Variants in FLRT2 observed in about 807,000 individuals in gnomAD.
FLRT2 encodes fibronectin leucine rich transmembrane protein 2.
A neutral mutation model predicts 40.0 loss-of-function variants in FLRT2; 15 were observed. The observed-to-expected ratio is 0.38, with a 90% CI of 0.25 to 0.58. FLRT2 has a LOEUF of 0.58. Among genes scored for constraint, FLRT2 ranks in the 20% least tolerant of loss-of-function variants. The pLI is 0.71. For missense variants in FLRT2, 726 were observed against 840.0 expected (o/e 0.86, Z 1.68); for synonymous variants, 380 against 336.8 (o/e 1.13, Z -1.41).
intron 1 of FLRT2, among the ~76,000 whole-genome samples, chr14:85,550,555 A>C (rs1889561290): frequency 6.6e-6 from 1 of 152,180 alleles, no homozygotes; most frequent in Non-Finnish European, 1.5e-5. Flanking sequence ...ACATCATCCA[A>C]AGTTAAGAAG....
At chr14:85,609,660 C>A (rs1303792418) in intron 1 of FLRT2, among the ~76,000 whole-genome samples, 1 of 152,162 alleles carries the variant, frequency 6.6e-6, no homozygotes, top group Non-Finnish European at 1.5e-5. Flanking sequence ...TCAGGAAGAA[C>A]CAGAGCATGA....
At chr14:85,579,807 G>T (rs1292116846) in intron 1 of FLRT2, among the ~76,000 whole-genome samples, 1 of 152,018 alleles carries the variant, frequency 6.6e-6, no homozygotes, top group Non-Finnish European at 1.5e-5. Context: ...GGGCAAAAAT[G>T]ACAGGGCTGT....
chr14:85,560,093 C>G (rs969997285), intron 1 of FLRT2, among the ~76,000 whole-genome samples: 1 of 152,302 alleles, frequency 6.6e-6, no homozygotes, highest in Non-Finnish European at 1.5e-5. Flanking sequence ...CCAGCTCTGA[C>G]TCTTTGGGGC....
chr14:85,615,167 T>G (rs555975971), intron 1 of FLRT2, among the ~76,000 whole-genome samples: 1 of 152,090 alleles, frequency 6.6e-6, no homozygotes, highest in Admixed American at 6.6e-5. Context: ...AGTTCCAGAT[T>G]TTAAAGGGAG....
intron 1 of FLRT2, among the ~76,000 whole-genome samples, chr14:85,612,910 C>A (rs1566756343): frequency 6.6e-6 from 1 of 152,126 alleles, no homozygotes; most frequent in Non-Finnish European, 1.5e-5. Context: ...ATGTGTATTC[C>A]TCTTGTGAAG....
rs1359287466 is a variant in FLRT2, at chr14:85,650,858, T to A, written c.*27361T>A. On this transcript the variant is annotated 3_prime_UTR_variant, in exon 2 of 2. Coordinates refer to ENST00000330753, the MANE Select transcript of FLRT2 (RefSeq NM_013231.6). The stretch of plus-strand genomic sequence containing the variant: ...ATTAAAATTTTCTTTTTCTTTTCTT[T>A]TTTTAAGAGACAAGGTCTTACCCTG... 1 of 152,038 alleles carries A rather than the reference T, an allele frequency of 6.6e-6. No homozygotes were observed. The highest frequency in any genetic ancestry group is 1.5e-5 in the Non-Finnish European group (1 of 68,016). The allele number at this position is 152,038 out of a possible 1,614,324, so 9.4% of individuals were successfully genotyped here.
intron 1 of FLRT2, among the ~76,000 whole-genome samples, chr14:85,570,515 T>A (rs184775070): frequency 1.1e-3 from 165 of 151,886 alleles, no homozygotes; most frequent in Middle Eastern, 6.8e-3. Flanking sequence ...TTTTACAGAC[T>A]TTTTTAGGTT....
At chr14:85,567,634 C>T (rs1347421953) in intron 1 of FLRT2, among the ~76,000 whole-genome samples, 2 of 126,108 alleles carry the variant, frequency 1.6e-5, no homozygotes, top group Non-Finnish European at 3.2e-5. Context: ...AAGTGACTTA[C>T]ATTTTTTTTT....
At chr14:85,563,713 T>C (rs778041229) in intron 1 of FLRT2, among the ~76,000 whole-genome samples, 9 of 152,176 alleles carry the variant, frequency 5.9e-5, no homozygotes, top group Non-Finnish European at 8.8e-5. Context: ...ACATGAGATT[T>C]GGGTGCGGAC....
intron 1 of FLRT2, among the ~76,000 whole-genome samples, chr14:85,558,086 G>A (rs1890086692): frequency 6.6e-6 from 1 of 152,158 alleles, no homozygotes; most frequent in Non-Finnish European, 1.5e-5. Context: ...TCCGTAGAAA[G>A]CACTGATGAT....
chr14:85,596,918 T>G (rs1271959103), intron 1 of FLRT2, among the ~76,000 whole-genome samples: 1 of 152,224 alleles, frequency 6.6e-6, no homozygotes, highest in Non-Finnish European at 1.5e-5. Flanking sequence ...TAGAGTTTTC[T>G]GAGCGTCAAA....
chr14:85,533,868 C>T (rs1428066934), intron 1 of FLRT2, among the ~76,000 whole-genome samples: 1 of 151,810 alleles, frequency 6.6e-6, no homozygotes, highest in Non-Finnish European at 1.5e-5. Context: ...GGCTTGGCTC[C>T]AGCAGCCGCC....
At chr14:85,549,683 C>T (rs908761020) in intron 1 of FLRT2, among the ~76,000 whole-genome samples, 6 of 152,046 alleles carry the variant, frequency 3.9e-5, no homozygotes, top group African/African-American at 1.4e-4. Context: ...CTCATAGGAC[C>T]ACTCTGGTGA....
chr14:85,553,078 A>G (rs1161828209), intron 1 of FLRT2, among the ~76,000 whole-genome samples: 8 of 152,224 alleles, frequency 5.3e-5, no homozygotes, highest in Non-Finnish European at 8.8e-5. Flanking sequence ...AATACCTAAG[A>G]GAGCAGCCCC....
At chr14:85,533,799 G>A (rs1888459042) in intron 1 of FLRT2, among the ~76,000 whole-genome samples, 1 of 151,574 alleles carries the variant, frequency 6.6e-6, no homozygotes, top group South Asian at 2.1e-4. Context: ...GCGGGGAGGC[G>A]CGCGCCGCTC....
chr14:85,611,434 T>C (rs1892853687), intron 1 of FLRT2, among the ~76,000 whole-genome samples: 1 of 152,194 alleles, frequency 6.6e-6, no homozygotes, highest in Admixed American at 6.5e-5. Flanking sequence ...AATTATGAAA[T>C]TTTAAAAAGC....
intron 1 of FLRT2, among the ~76,000 whole-genome samples, chr14:85,553,039 G>A (rs1889736123): frequency 6.6e-6 from 1 of 152,136 alleles, no homozygotes; most frequent in South Asian, 2.1e-4. Context: ...AGACTTTCAG[G>A]TAAAATAGAT....
At position 85,637,685 on chromosome 14, in the gene FLRT2, G is replaced by A. The variant is rs998549109; in HGVS notation, c.*14188G>A. 2.0e-5 allele frequency: 3 copies of A among 152,150 alleles called. No individual in the cohort carries two copies. The highest frequency in any genetic ancestry group is 7.2e-5 in the African/African-American group (3 of 41,422). The allele number at this position is 152,150 out of a possible 1,614,324, so 9.4% of individuals were successfully genotyped here. On this transcript the variant is annotated 3_prime_UTR_variant, in exon 2 of 2. Coordinates refer to ENST00000330753, the MANE Select transcript of FLRT2 (RefSeq NM_013231.6). ...GATCAGGAGTGATGTAGCTTTGAGGGTGGACCCACCATTCCTGCCATATTC... is the reference window on the plus strand; with the variant it reads ...GATCAGGAGTGATGTAGCTTTGAGGATGGACCCACCATTCCTGCCATATTC...
chr14:85,582,524 C>G (rs1891435059), intron 1 of FLRT2, among the ~76,000 whole-genome samples: 1 of 151,926 alleles, frequency 6.6e-6, no homozygotes, highest in Non-Finnish European at 1.5e-5. Flanking sequence ...ATTTTGGGTG[C>G]ATTATTTATC....
Sources: allele counts gnomAD v4.1 joint callset (sites outside exome capture counted in the v4.1 genomes callset), GRCh38; gene constraint gnomAD v4.1.1; transcripts MANE v1.5; gene names NCBI Gene and HGNC (gene_info 2026-07-23, HGNC 2026-07-21).